The following PCLO variants were observed in gnomAD, a reference collection of about 807,000 sequenced individuals.
The protein encoded by PCLO is protein piccolo.
A neutral mutation model predicts 427.5 loss-of-function variants in PCLO; 82 were observed. That is an observed-to-expected ratio of 0.19 (90% confidence interval 0.16 to 0.23). PCLO has a LOEUF of 0.23. PCLO is among the 10% of genes least tolerant of loss of function. The pLI is 1.00. For synonymous variants in PCLO, 2,357 were observed against 2,155.4 expected, an observed-to-expected ratio of 1.09 and a Z score of -2.59; for missense variants, 6,239 against 6,115.9, an observed-to-expected ratio of 1.02 and a Z score of -0.67.
rs537437080 is a variant in PCLO, at chr7:83,044,790, G to A, written c.3301-78303C>T. ...GAAGTGGTCAAATGTATATTGATTC[G>A]ATATCTAAAATAATAATCTTCCCAG... On this transcript the variant is annotated intron_variant, in intron 3 of 24. Transcript: ENST00000333891. 5.3e-5 allele frequency among the ~76,000 whole-genome samples: 8 copies of A among 152,140 alleles called. No homozygotes were observed. In the East Asian group the frequency reaches 7.7e-4, roughly 15 times the overall value.
At position 82,888,585 on chromosome 7, in the gene PCLO, T is replaced by G. The variant is rs546997320; in HGVS notation, c.13529-9123A>C. On this transcript the variant is annotated intron_variant, in intron 9 of 24. Transcript: ENST00000333891. ...GATTAAGCTTCCTTCAGAATTCAAC[T>G]TTGAAGCAAACAAAACAAATCTTTT... 2.0e-5 allele frequency among the ~76,000 whole-genome samples: 3 copies of G among 152,224 alleles called. No individual in the cohort carries two copies. The East Asian group carries it at 5.8e-4, about 29-fold the overall frequency.
At chr7:82,818,882 C>A (rs185335875) in intron 20 of PCLO, among the ~76,000 whole-genome samples, 2 of 152,220 alleles carry the variant, frequency 1.3e-5, no homozygotes, top group East Asian at 1.9e-4. Flanking sequence ...TTTCAGAATG[C>A]GGATGGGATT....
At chr7:82,879,232 A>T in intron 10 of PCLO, 105 bp downstream of exon 10, 1 of 896,404 alleles carries the variant, frequency 1.1e-6, no homozygotes, top group Non-Finnish European at 1.6e-6. Context: ...ATAAGGAGAG[A>T]GGTTTACCTA....
At chr7:83,017,528 AC>A in intron 3 of PCLO, among the ~76,000 whole-genome samples, 1 of 152,182 alleles carries the variant, frequency 6.6e-6, no homozygotes, top group East Asian at 1.9e-4. Context: ...CAAGCAGATC[AC>A]ATAGGTTCAC....
intron 3 of PCLO, among the ~76,000 whole-genome samples, chr7:83,100,892 C>A (rs1466895995): frequency 1.3e-5 from 2 of 152,184 alleles, no homozygotes; most frequent in Non-Finnish European, 1.5e-5. Flanking sequence ...AATCAATACA[C>A]ACAGCGATAT....
In PCLO at chr7:82,915,930, C is replaced by A; in HGVS notation, c.12056G>T (p.Ser4019Ile). The change falls in exon 7 of 25, where the codon AGT becomes ATT. Residue 4019 changes from serine (S) to isoleucine (I), a missense_variant. Ser to Ile is a moderately radical substitution (Grantham distance 142, BLOSUM62 -2). Around this residue, in one of 5 missense-constraint regions of PCLO, gnomAD observed 680 missense variants for 677.3 expected, o/e 1.00. Coordinates refer to ENST00000333891, the MANE Select transcript of PCLO (RefSeq NM_033026.6). ...TGATATTGGACTGCTTGCCATGCTA[C>A]TTCTTTCCTCCAAACCTATTCTCAA... ...LDLRIGLEER[S>I]SMASSPISSI... 6.2e-7 allele frequency: 1 copy of A among 1,613,276 alleles called. No homozygotes were observed. Among genetic ancestry groups the A allele is most frequent in the Admixed American group, 1.7e-5 (1 of 59,994 alleles).
chr7:82,804,554 A>G (rs1390234771), intron 21 of PCLO, among the ~76,000 whole-genome samples: 1 of 152,172 alleles, frequency 6.6e-6, no homozygotes, highest in African/African-American at 2.4e-5. Flanking sequence ...AGCATTGGAG[A>G]AAATGAAAAA....
Position 82,955,269 on chromosome 7 carries a change from G to A in PCLO, c.5684C>T (p.Pro1895Leu). ...CTGCATAATAGATTGCTCATCTGTT[G>A]GTGAGTATAATGAAACAGCTGTGGG... The part of the protein sequence containing the change: ...KLPTAVSLYS[P>L]TDEQSIMQKE... Residue 1895 changes from proline to leucine, a missense_variant, in exon 5 of 25, where the codon CCA becomes CTA. Around this residue, in one of 5 missense-constraint regions of PCLO, gnomAD observed 4,677 missense variants for 4,468.4 expected, o/e 1.05. Coordinates refer to ENST00000333891, the MANE Select transcript of PCLO (RefSeq NM_033026.6). The A allele has an allele frequency of 6.2e-7, 1 of 1,613,342 alleles. No homozygotes were observed. The highest frequency in any genetic ancestry group is 8.5e-7 in the Non-Finnish European group (1 of 1,179,534).
intron 9 of PCLO, among the ~76,000 whole-genome samples, chr7:82,886,137 T>A (rs535302310): frequency 1.2e-4 from 19 of 152,118 alleles, no homozygotes; most frequent in African/African-American, 4.6e-4. Context: ...GGAGAGAAAA[T>A]GCTTTTGGCT....
chr7:83,132,635 C>T (rs1562981040), intron 3 of PCLO, among the ~76,000 whole-genome samples: 2 of 152,014 alleles, frequency 1.3e-5, no homozygotes, highest in Non-Finnish European at 2.9e-5. Flanking sequence ...CATATCCATA[C>T]ACATATATGT....
chr7:83,125,764 C>T (rs369116199), intron 3 of PCLO, among the ~76,000 whole-genome samples: 3 of 152,270 alleles, frequency 2.0e-5, no homozygotes, highest in South Asian at 2.1e-4. Context: ...TCGCAGGGTC[C>T]TCTGCCTAGG....
chr7:83,096,798 TATATTA>T (rs1189515389), intron 3 of PCLO, among the ~76,000 whole-genome samples: 2 of 97,682 alleles, frequency 2.0e-5, no homozygotes, highest in African/African-American at 8.8e-5. Flanking sequence ...TATATAAAAA[TATATTA>T]ATATTATATA....
chr7:82,767,903 T>G (rs16887360), intron 22 of PCLO, among the ~76,000 whole-genome samples: 9,656 of 151,872 alleles, frequency 0.064, 716 homozygotes, highest in African/African-American at 0.18. Context: ...ATAAAAGAAA[T>G]TCATTCTGAA....
chr7:82,935,851 G>C (rs1176733894), intron 6 of PCLO, among the ~76,000 whole-genome samples: 1 of 151,492 alleles, frequency 6.6e-6, no homozygotes, highest in African/African-American at 2.4e-5. Context: ...AAATTAAGCT[G>C]GCAAAAACTG....
chr7:83,126,290 G>A (rs1035836335), intron 3 of PCLO, among the ~76,000 whole-genome samples: 21 of 152,120 alleles, frequency 1.4e-4, no homozygotes, highest in African/African-American at 4.8e-4. Flanking sequence ...CAGATAGAAT[G>A]AATCAGATTT....
intron 3 of PCLO, among the ~76,000 whole-genome samples, chr7:83,077,685 C>T (rs1789991562): frequency 6.6e-6 from 1 of 152,042 alleles, no homozygotes; most frequent in Non-Finnish European, 1.5e-5. Context: ...TGCCAGGAGG[C>T]GTTCTCCCTG....
At chr7:82,913,931 C>A (rs1794382770) in intron 7 of PCLO, among the ~76,000 whole-genome samples, 1 of 151,930 alleles carries the variant, frequency 6.6e-6, no homozygotes, top group African/African-American at 2.4e-5. Context: ...GGTTTGAACT[C>A]TAAATAACTA....
intron 3 of PCLO, among the ~76,000 whole-genome samples, chr7:83,124,189 C>T (rs896274963): frequency 3.7e-3 from 559 of 150,100 alleles, no homozygotes; most frequent in African/African-American, 8.9e-3. Context: ...CAGTGGCGGG[C>T]GCCTGTAGTC....
intron 7 of PCLO, among the ~76,000 whole-genome samples, chr7:82,910,911 T>G (rs1562851827): frequency 6.6e-6 from 1 of 152,188 alleles, no homozygotes; most frequent in East Asian, 1.9e-4. Flanking sequence ...CTGACACTAC[T>G]TTTGTCTTAC....
Sources: gnomAD v4.1 joint callset for allele counts (sites outside exome capture counted in the v4.1 genomes callset) on GRCh38, gnomAD v4.1.1 for gene constraint, gnomAD v4.1.1 regional missense constraint, MANE v1.5 for transcripts, NCBI Gene and HGNC (gene_info 2026-07-23, HGNC 2026-07-21) for gene names.